Variants in SLIT3 observed in about 807,000 individuals in gnomAD.
SLIT3 encodes slit guidance ligand 3, also known as slit homolog 3 protein.
Under a neutral mutation model 184.0 loss-of-function variants are expected in SLIT3, and 68 were observed. The ratio of observed to expected loss-of-function variants is 0.37; its 90% CI spans 0.30 to 0.45. SLIT3 has a LOEUF of 0.45. Among genes scored for constraint, SLIT3 ranks in the 20% least tolerant of loss-of-function variants. The pLI is 1.00. For synonymous variants in SLIT3, 831 were observed against 828.6 expected, an observed-to-expected ratio of 1.00 and a Z score of -0.05; for missense variants, 1,707 against 2,026.0, an observed-to-expected ratio of 0.84 and a Z score of 3.02.
At chr5:168,863,316 C>T (rs764833526) in intron 5 of SLIT3, among the ~76,000 whole-genome samples, 1 of 152,090 alleles carries the variant, frequency 6.6e-6, no homozygotes. Context: ...TAGACAAAAG[C>T]GATATTCAGC....
At chr5:169,064,659 T>C (rs1758286837) in intron 4 of SLIT3, among the ~76,000 whole-genome samples, 1 of 152,196 alleles carries the variant, frequency 6.6e-6, no homozygotes, top group Non-Finnish European at 1.5e-5. Context: ...GTGCCATAAG[T>C]CTCTTGTGAC....
At chr5:169,139,332 A>T (rs1201653942) in intron 4 of SLIT3, among the ~76,000 whole-genome samples, 1 of 152,274 alleles carries the variant, frequency 6.6e-6, no homozygotes, top group Non-Finnish European at 1.5e-5. Flanking sequence ...ATGGTGATTA[A>T]CAAAATGGAA....
At chr5:169,182,998 A>C (rs188576749) in intron 4 of SLIT3, among the ~76,000 whole-genome samples, 77 of 152,178 alleles carry the variant, frequency 5.1e-4, no homozygotes, top group Admixed American at 2.8e-3. Flanking sequence ...CACAGTTTCA[A>C]CTCCACAGGT....
intron 4 of SLIT3, among the ~76,000 whole-genome samples, chr5:169,019,932 G>A (rs1756534783): frequency 6.6e-6 from 1 of 152,112 alleles, no homozygotes; most frequent in Non-Finnish European, 1.5e-5. Context: ...TCTTTGTTCT[G>A]TGTTTTGCTT....
At chr5:168,696,538 TC>T in intron 27 of SLIT3, 107 bp from the exon 28 acceptor site, 1 of 1,354,090 alleles carries the variant, frequency 7.4e-7, no homozygotes, top group Non-Finnish European at 1.0e-6. Context: ...TAGTTTTTCC[TC>T]CAGATGGAGG....
chr5:169,017,932 A>T (rs936972725), intron 4 of SLIT3: 6 of 152,210 alleles, frequency 3.9e-5, no homozygotes, highest in Non-Finnish European at 8.8e-5. Context: ...GGACAAAGAA[A>T]CACAGGCTGG....
intron 4 of SLIT3, among the ~76,000 whole-genome samples, chr5:169,016,888 A>G (rs1173950756): frequency 2.0e-5 from 3 of 152,314 alleles, no homozygotes; most frequent in African/African-American, 7.2e-5. Flanking sequence ...ATTTTTACAC[A>G]TATTGCTACT....
chr5:169,019,066 G>A (rs763496209), intron 4 of SLIT3, among the ~76,000 whole-genome samples: 7 of 152,184 alleles, frequency 4.6e-5, no homozygotes, highest in Non-Finnish European at 8.8e-5. Flanking sequence ...CTTGTACAGG[G>A]CTACATCTTT....
At chr5:168,838,967 G>A (rs1378722346) in intron 6 of SLIT3, among the ~76,000 whole-genome samples, 2 of 152,290 alleles carry the variant, frequency 1.3e-5, no homozygotes, top group East Asian at 3.9e-4. Context: ...CAGGGCAGGT[G>A]GGGCGGCTCT....
Position 168,710,434 on chromosome 5 carries a change from G to A in SLIT3, c.2719+461C>T, listed in dbSNP as rs961863572. 3.3e-5 allele frequency among the ~76,000 whole-genome samples: 5 copies of A among 152,108 alleles called. No homozygotes were observed. The South Asian group carries it at 1.0e-3, about 32-fold the overall frequency. On this transcript the variant is annotated intron_variant, in intron 25 of 35. Coordinates refer to ENST00000519560, the MANE Select transcript of SLIT3 (RefSeq NM_003062.4). Reference sequence around the variant, plus strand: ...CTGGATAAAATGGGAAAATGCTTATGTTTTAATAATGTTGGATTAAAAAAT... The same window carrying A: ...CTGGATAAAATGGGAAAATGCTTATATTTTAATAATGTTGGATTAAAAAAT...
At chr5:169,139,531 T>C (rs142431932) in intron 4 of SLIT3, among the ~76,000 whole-genome samples, 10 of 152,338 alleles carry the variant, frequency 6.6e-5, no homozygotes, top group Non-Finnish European at 8.8e-5. Flanking sequence ...TCCCAGGCCA[T>C]CTGATCCCAG....
At chr5:169,068,463 G>C (rs1350175724) in intron 4 of SLIT3, among the ~76,000 whole-genome samples, 1 of 152,072 alleles carries the variant, frequency 6.6e-6, no homozygotes, top group East Asian at 1.9e-4. Flanking sequence ...ACGAAGCCTG[G>C]GGCCAAGTCA....
intron 2 of SLIT3, among the ~76,000 whole-genome samples, chr5:169,250,010 G>A (rs144411020): frequency 2.0e-5 from 3 of 152,298 alleles, no homozygotes; most frequent in African/African-American, 7.2e-5. Context: ...TTACAAAATG[G>A]GTAGACTATC....
intron 4 of SLIT3, among the ~76,000 whole-genome samples, chr5:169,171,742 C>T (rs1270528918): frequency 6.6e-6 from 1 of 152,202 alleles, no homozygotes; most frequent in Non-Finnish European, 1.5e-5. Context: ...TTGCAGACAT[C>T]TACCTCGGAG....
At chr5:168,917,245 G>A (rs1196312505) in intron 4 of SLIT3, among the ~76,000 whole-genome samples, 3 of 152,164 alleles carry the variant, frequency 2.0e-5, no homozygotes. Context: ...TTGGTTCCCA[G>A]ACCAGAATCA....
intron 4 of SLIT3, among the ~76,000 whole-genome samples, chr5:169,153,533 A>G (rs1184202047): frequency 6.6e-6 from 1 of 152,232 alleles, no homozygotes; most frequent in Non-Finnish European, 1.5e-5. Flanking sequence ...CTACAAACAG[A>G]CTGTCAGACA....
Position 169,007,859 on chromosome 5 carries a change from T to C in SLIT3, c.414-124523A>G, listed in dbSNP as rs369040767. Among the ~76,000 whole-genome samples the C allele has an allele frequency of 5.9e-5, 9 of 152,370 alleles. No homozygotes were observed. In the East Asian group the frequency reaches 1.3e-3, roughly 23 times the overall value. ...CACTCAGGGCCAAAAAAGTTATCGC[T>C]AGATATTAATTTAGACATTAATCTT... On this transcript the variant is annotated intron_variant, in intron 4 of 35. Transcript: ENST00000519560.
At chr5:169,264,582 C>T (rs1357457776) in intron 1 of SLIT3, among the ~76,000 whole-genome samples, 1 of 152,154 alleles carries the variant, frequency 6.6e-6, no homozygotes, top group African/African-American at 2.4e-5. Context: ...TCCAAAGGAC[C>T]TAATGCCACC....
At chr5:168,764,366 C>T (rs539589772) in intron 14 of SLIT3, among the ~76,000 whole-genome samples, 9 of 152,252 alleles carry the variant, frequency 5.9e-5, no homozygotes, top group East Asian at 5.8e-4. Context: ...ATTTTATAGA[C>T]GAGGAAACTG....
Sources: gnomAD v4.1 joint callset for allele counts (sites outside exome capture counted in the v4.1 genomes callset) on GRCh38, gnomAD v4.1.1 for gene constraint, MANE v1.5 for transcripts, NCBI Gene and HGNC (gene_info 2026-07-23, HGNC 2026-07-21) for gene names.